The following CCSER1 variants were observed in gnomAD, a reference collection of about 807,000 sequenced individuals.
CCSER1 encodes the protein coiled-coil serine rich protein 1, also known as serine-rich coiled-coil domain-containing protein 1.
CCSER1 carries 41 observed loss-of-function variants against 82.0 expected under a neutral mutation model. That is an observed-to-expected ratio of 0.50 (90% CI 0.39 to 0.65). The LOEUF (loss-of-function observed/expected upper bound fraction) is 0.65. CCSER1 is among the 30% of genes least tolerant of loss of function. The pLI is 0.00. For synonymous variants in CCSER1, 414 were observed against 383.9 expected, an observed-to-expected ratio of 1.08 and a Z score of -0.92; for missense variants, 1,119 against 1,064.2, an observed-to-expected ratio of 1.05 and a Z score of -0.72.
chr4:90,747,432 G>A (rs1580276589), intron 7 of CCSER1, among the ~76,000 whole-genome samples: 1 of 152,100 alleles, frequency 6.6e-6, no homozygotes, highest in South Asian at 2.1e-4. Flanking sequence ...CAAAATACCA[G>A]ACAAGATTTC....
chr4:90,499,716 A>G (rs1376142505), intron 5 of CCSER1, among the ~76,000 whole-genome samples: 1 of 152,140 alleles, frequency 6.6e-6, no homozygotes, highest in Admixed American at 6.6e-5. Flanking sequence ...TTTTTGTCAG[A>G]TCTTAATGAC....
chr4:90,315,859 G>A (rs1736078132), intron 3 of CCSER1, among the ~76,000 whole-genome samples: 1 of 152,156 alleles, frequency 6.6e-6, no homozygotes, highest in African/African-American at 2.4e-5. Context: ...TTTTTAACTT[G>A]TAGCACTGTA....
intron 6 of CCSER1, among the ~76,000 whole-genome samples, chr4:90,633,809 A>G (rs1371550563): frequency 6.6e-6 from 1 of 151,902 alleles, no homozygotes; most frequent in Non-Finnish European, 1.5e-5. Flanking sequence ...AGAATTAATA[A>G]TCTGAATGGA....
chr4:90,697,076 T>A (rs1302928432), intron 6 of CCSER1, among the ~76,000 whole-genome samples: 1 of 152,176 alleles, frequency 6.6e-6, no homozygotes, highest in Non-Finnish European at 1.5e-5. Context: ...GCTATGAGAC[T>A]GTGGCTGCGT....
At chr4:91,010,600 T>C (rs192491139) in intron 9 of CCSER1, among the ~76,000 whole-genome samples, 1 of 135,298 alleles carries the variant, frequency 7.4e-6, no homozygotes, top group African/African-American at 2.5e-5. Context: ...TTAATTCTTT[T>C]TCATTCTTAT....
At chr4:90,271,225 C>T (rs964056863) in intron 1 of CCSER1, among the ~76,000 whole-genome samples, 3 of 152,086 alleles carry the variant, frequency 2.0e-5, no homozygotes, top group African/African-American at 7.2e-5. Context: ...ATCACATTAC[C>T]TGACTTCAAA....
At chr4:90,548,110 G>C (rs948463706) in intron 5 of CCSER1, among the ~76,000 whole-genome samples, 6 of 151,918 alleles carry the variant, frequency 3.9e-5, no homozygotes, top group Admixed American at 2.6e-4. Context: ...AATCATTCTG[G>C]GATGCTATTT....
At chr4:90,886,952 A>G (rs1467081123) in intron 8 of CCSER1, among the ~76,000 whole-genome samples, 2 of 152,208 alleles carry the variant, frequency 1.3e-5, no homozygotes, top group African/African-American at 4.8e-5. Context: ...ACACATTGAA[A>G]CTACTTAGAA....
At chr4:91,435,937 A>G (rs1046023890) in intron 10 of CCSER1, among the ~76,000 whole-genome samples, 6 of 152,244 alleles carry the variant, frequency 3.9e-5, no homozygotes, top group Non-Finnish European at 7.3e-5. Flanking sequence ...AGTAACTGAC[A>G]TAAACATGCC....
At chr4:91,588,457 T>TGTATGTA (rs1417323023) in intron 10 of CCSER1, among the ~76,000 whole-genome samples, 1 of 151,736 alleles carries the variant, frequency 6.6e-6, no homozygotes, top group Non-Finnish European at 1.5e-5. Context: ...GGTTCTAACT[T>TGTATGTA]GTATGTAATG....
chr4:91,172,487 A>T (rs746699218), intron 10 of CCSER1, among the ~76,000 whole-genome samples: 1 of 152,184 alleles, frequency 6.6e-6, no homozygotes, highest in Non-Finnish European at 1.5e-5. Context: ...AAGGATGAAG[A>T]CATGAGACTA....
At chr4:90,326,296 G>A (rs557497601) in intron 3 of CCSER1, among the ~76,000 whole-genome samples, 236 of 152,094 alleles carry the variant, frequency 1.6e-3, no homozygotes, top group African/African-American at 5.4e-3. Flanking sequence ...TCCTGACCTC[G>A]TGATCCTCCT....
chr4:91,029,223 G>A (rs1288504904), intron 9 of CCSER1, among the ~76,000 whole-genome samples: 1 of 150,812 alleles, frequency 6.6e-6, no homozygotes, highest in Non-Finnish European at 1.5e-5. Context: ...TATTTCCTTG[G>A]AATCTGTTTG....
chr4:90,780,483 A>G (rs771233734), intron 7 of CCSER1: 20 of 1,612,544 alleles, frequency 1.2e-5, no homozygotes, highest in Admixed American at 1.7e-5. Flanking sequence ...ACTAACATCA[A>G]TTGAAGATTG....
At chr4:91,472,474 T>C (rs1757337456) in intron 10 of CCSER1, among the ~76,000 whole-genome samples, 1 of 152,194 alleles carries the variant, frequency 6.6e-6, no homozygotes, top group Non-Finnish European at 1.5e-5. Context: ...CTGAGAAGTA[T>C]GCAAGCATTT....
intron 10 of CCSER1, among the ~76,000 whole-genome samples, chr4:91,247,696 T>G (rs541357020): frequency 1.2e-4 from 18 of 152,032 alleles, no homozygotes; most frequent in Non-Finnish European, 1.5e-4. Flanking sequence ...GGCGAAACCC[T>G]GTCTCTACTG....
chr4:91,589,477 T>A (rs1764160735), intron 10 of CCSER1, among the ~76,000 whole-genome samples: 1 of 151,892 alleles, frequency 6.6e-6, no homozygotes, highest in Non-Finnish European at 1.5e-5. Flanking sequence ...AATCTAAAGA[T>A]TTTTTTAAGA....
intron 7 of CCSER1, among the ~76,000 whole-genome samples, chr4:90,769,799 C>T (rs77710122): frequency 0.064 from 9,692 of 152,060 alleles, 331 homozygotes; most frequent in East Asian, 0.16. Context: ...AAACTTTTGA[C>T]GTTGGTGGAA....
At chr4:90,230,270 T>C (rs1284171978) in intron 1 of CCSER1, among the ~76,000 whole-genome samples, 1 of 151,996 alleles carries the variant, frequency 6.6e-6, no homozygotes, top group African/African-American at 2.4e-5. Flanking sequence ...TAACAAACTG[T>C]CTCTCAGACC....
Sources: allele counts gnomAD v4.1 joint callset (sites outside exome capture counted in the v4.1 genomes callset), GRCh38; gene constraint gnomAD v4.1.1; transcripts MANE v1.5; gene names NCBI Gene and HGNC (gene_info 2026-07-23, HGNC 2026-07-21).